SYT1: variants seen among roughly 807,000 people sequenced by gnomAD.
SYT1 encodes synaptotagmin 1.
SYT1 carries 8 observed loss-of-function variants against 44.8 expected under a neutral mutation model. The observed-to-expected ratio is 0.18, with a 90% confidence interval of 0.10 to 0.32. The LOEUF is 0.32. SYT1 is among the 10% of genes least tolerant of loss of function. The probability of loss-of-function intolerance (pLI) is 1.00; values close to 1 mark genes in which losing one functional copy is unlikely to be tolerated. For missense variants in SYT1, 286 were observed against 509.3 expected, an observed-to-expected ratio of 0.56 and a Z score of 4.22; for synonymous variants, 154 against 188.8, an observed-to-expected ratio of 0.82 and a Z score of 1.51.
At chr12:78,907,626 C>G (rs1345478300) in intron 1 of SYT1, among the ~76,000 whole-genome samples, 1 of 151,944 alleles carries the variant, frequency 6.6e-6, no homozygotes, top group Non-Finnish European at 1.5e-5. Flanking sequence ...AAATTCTTCT[C>G]TTATGTACTG....
At chr12:79,022,653 G>A (rs978682762) in intron 2 of SYT1, among the ~76,000 whole-genome samples, 5 of 150,746 alleles carry the variant, frequency 3.3e-5, no homozygotes, top group Admixed American at 2.0e-4. Flanking sequence ...GAGGTTTATT[G>A]TTTATTTTAA....
intron 2 of SYT1, among the ~76,000 whole-genome samples, chr12:79,020,344 G>C (rs1376865838): frequency 6.6e-6 from 1 of 151,806 alleles, no homozygotes; most frequent in Non-Finnish European, 1.5e-5. Context: ...CAGATTTTTT[G>C]AGCCTAGGAA....
chr12:79,335,124 G>C (rs888615760), intron 8 of SYT1, among the ~76,000 whole-genome samples: 8 of 151,970 alleles, frequency 5.3e-5, no homozygotes, highest in African/African-American at 1.9e-4. Flanking sequence ...GTGCTTAATA[G>C]TAAATTCCAT....
At chr12:79,336,900 C>T (rs2139032224) in intron 8 of SYT1, among the ~76,000 whole-genome samples, 1 of 152,040 alleles carries the variant, frequency 6.6e-6, no homozygotes, top group East Asian at 1.9e-4. Context: ...TGGTCTCAAA[C>T]TCCTGATTTC....
intron 2 of SYT1, among the ~76,000 whole-genome samples, chr12:78,986,643 A>G (rs938011882): frequency 6.6e-6 from 1 of 152,032 alleles, no homozygotes; most frequent in Non-Finnish European, 1.5e-5. Flanking sequence ...ATTTTTCCAC[A>G]TTAAGAAAGG....
chr12:79,206,443 G>A (rs756649796), intron 3 of SYT1, among the ~76,000 whole-genome samples: 4 of 152,092 alleles, frequency 2.6e-5, no homozygotes, highest in African/African-American at 9.7e-5. Context: ...CGTACGTTGA[G>A]CAAATAACAA....
At chr12:79,075,966 T>C (rs556959849) in intron 3 of SYT1, among the ~76,000 whole-genome samples, 1 of 152,218 alleles carries the variant, frequency 6.6e-6, no homozygotes, top group African/African-American at 2.4e-5. Flanking sequence ...AGCTGAGGCC[T>C]TTATAACAAA....
intron 3 of SYT1, among the ~76,000 whole-genome samples, chr12:79,186,524 C>A (rs1872810444): frequency 1.3e-5 from 2 of 151,976 alleles, no homozygotes; most frequent in Admixed American, 6.6e-5. Context: ...GCAAATTGAA[C>A]TTTTGAAACT....
intron 2 of SYT1, among the ~76,000 whole-genome samples, chr12:79,007,752 T>C (rs912157371): frequency 2.0e-5 from 3 of 152,094 alleles, no homozygotes; most frequent in Non-Finnish European, 4.4e-5. Context: ...AATAGTAGAT[T>C]TGAGAGCTCA....
At chr12:79,090,965 T>G (rs1262435651) in intron 3 of SYT1, among the ~76,000 whole-genome samples, 2 of 152,096 alleles carry the variant, frequency 1.3e-5, no homozygotes, top group East Asian at 3.9e-4. Flanking sequence ...AGTTAATCTT[T>G]CCTAGATTCA....
chr12:79,179,478 G>GATATAATCTATAT, intron 3 of SYT1, among the ~76,000 whole-genome samples: 1 of 17,980 alleles, frequency 5.6e-5, no homozygotes, highest in South Asian at 1.3e-3. Flanking sequence ...TATAGATATA[G>GATATAATCTATAT]AGATATAGAT....
At chr12:79,246,198 A>G (rs1876841302) in intron 4 of SYT1, among the ~76,000 whole-genome samples, 1 of 152,226 alleles carries the variant, frequency 6.6e-6, no homozygotes, top group Non-Finnish European at 1.5e-5. Context: ...GTTAGTGGTC[A>G]ATTCCAAAAG....
intron 2 of SYT1, among the ~76,000 whole-genome samples, chr12:78,991,675 T>G (rs960461230): frequency 6.6e-6 from 1 of 152,184 alleles, no homozygotes; most frequent in Non-Finnish European, 1.5e-5. Flanking sequence ...ATAATTTTGA[T>G]TTTCAAATAT....
chr12:79,064,795 CCAAA>C (rs2137862340), intron 3 of SYT1, among the ~76,000 whole-genome samples: 1 of 151,328 alleles, frequency 6.6e-6, no homozygotes, highest in East Asian at 1.9e-4. Context: ...ATTCTGCACC[CCAAA>C]CACACACACA....
At chr12:78,918,107 T>C (rs560850641) in intron 1 of SYT1, among the ~76,000 whole-genome samples, 1 of 152,162 alleles carries the variant, frequency 6.6e-6, no homozygotes, top group South Asian at 2.1e-4. Flanking sequence ...TGCTAGCAAG[T>C]TAAAGAAAAG....
chr12:79,390,867 G>T (rs1295814507), intron 9 of SYT1, among the ~76,000 whole-genome samples: 1 of 151,980 alleles, frequency 6.6e-6, no homozygotes, highest in African/African-American at 2.4e-5. Flanking sequence ...CTCTCAAATT[G>T]CTCATCCTTA....
chr12:78,881,020 T>C (rs1019399088), intron 1 of SYT1, among the ~76,000 whole-genome samples: 1 of 151,660 alleles, frequency 6.6e-6, no homozygotes, highest in Non-Finnish European at 1.5e-5. Flanking sequence ...TCCTGCTTTC[T>C]TCCAACTCAT....
chr12:78,885,102 A>G (rs1356457441), intron 1 of SYT1, among the ~76,000 whole-genome samples: 1 of 151,926 alleles, frequency 6.6e-6, no homozygotes, highest in Non-Finnish European at 1.5e-5. Flanking sequence ...TATCTAGATG[A>G]TTTATTACTT....
At chr12:78,900,793 C>T (rs117795505) in intron 1 of SYT1, among the ~76,000 whole-genome samples, 1,862 of 152,160 alleles carry the variant, frequency 0.012, 14 homozygotes, top group Non-Finnish European at 0.018. Context: ...GGAACAATAG[C>T]TGTTCTATAC....
Sources: gnomAD v4.1 joint callset for allele counts (sites outside exome capture counted in the v4.1 genomes callset) on GRCh38, gnomAD v4.1.1 for gene constraint, MANE v1.5 for transcripts, NCBI Gene and HGNC (gene_info 2026-07-23, HGNC 2026-07-21) for gene names.